ALK: variants seen among roughly 807,000 people sequenced by gnomAD.
The protein encoded by ALK is ALK receptor tyrosine kinase.
A neutral mutation model predicts 163.1 loss-of-function variants in ALK; 74 were observed. The observed-to-expected ratio is 0.45, with a 90% CI of 0.38 to 0.55. The LOEUF (loss-of-function observed/expected upper bound fraction) is 0.55. ALK is among the 20% of genes least tolerant of loss of function. The pLI is 0.00. For missense variants in ALK, 2,063 were observed against 2,105.3 expected (o/e 0.98, Z 0.39); for synonymous variants, 960 against 843.2 (o/e 1.14, Z -2.40).
chr2:29,528,408 G>A (rs996890177), intron 4 of ALK, among the ~76,000 whole-genome samples: 1 of 152,204 alleles, frequency 6.6e-6, no homozygotes, highest in Non-Finnish European at 1.5e-5. Flanking sequence ...ATGGCAGTGT[G>A]GTGCAGTGGG....
chr2:29,834,945 G>A (rs949745641), intron 1 of ALK, among the ~76,000 whole-genome samples: 1 of 152,230 alleles, frequency 6.6e-6, no homozygotes, highest in Non-Finnish European at 1.5e-5. Context: ...CACAAAGGCA[G>A]TGTAACTCAT....
At chr2:29,260,370 G>A (rs73920760) in intron 11 of ALK, among the ~76,000 whole-genome samples, 3,104 of 152,156 alleles carry the variant, frequency 0.02, 104 homozygotes, top group African/African-American at 0.071. Context: ...GTGTTATTCC[G>A]CCCTCTGTAT....
intron 13 of ALK, among the ~76,000 whole-genome samples, chr2:29,239,450 A>G (rs1384809952): frequency 1.3e-5 from 2 of 152,082 alleles, no homozygotes; most frequent in Non-Finnish European, 2.9e-5. Flanking sequence ...CAGGGTGCTG[A>G]GTTCCTGCTA....
chr2:29,802,229 G>A (rs1471190075), intron 1 of ALK, among the ~76,000 whole-genome samples: 2 of 150,812 alleles, frequency 1.3e-5, no homozygotes, highest in African/African-American at 4.9e-5. Context: ...AAAGCTTAGA[G>A]GTTGATTGCA....
intron 4 of ALK, among the ~76,000 whole-genome samples, chr2:29,435,607 T>G (rs1296974374): frequency 1.3e-5 from 2 of 150,178 alleles, no homozygotes; most frequent in African/African-American, 2.5e-5. Context: ...TTTTATGAAG[T>G]CAATTCAAGG....
At chr2:29,624,135 T>TTATAAACCACGGTCACTGCAGGGCAG (rs70958272) in intron 3 of ALK, among the ~76,000 whole-genome samples, 6 of 150,746 alleles carry the variant, frequency 4.0e-5, no homozygotes, top group African/African-American at 1.2e-4. Flanking sequence ...GACTATGTGT[T>TTATAAACCACGGTCACTGCAGGGCAG]GATGCCTTTC....
intron 5 of ALK, among the ~76,000 whole-genome samples, chr2:29,379,430 T>G (rs1668841060): frequency 6.6e-6 from 1 of 152,242 alleles, no homozygotes; most frequent in Admixed American, 6.5e-5. Flanking sequence ...TTTAGCACCA[T>G]GCTAGCTGCT....
rs1217115490 is a variant in ALK at position 29,831,284 on chromosome 2, G to T, written c.667+88709C>A. Reference sequence around the variant, plus strand: ...GGAAGAAGAAGAAGAAGAAGAAGAAGAAGAAGAAGAAGAAGAAGAAGAAGA... The same window carrying T: ...GGAAGAAGAAGAAGAAGAAGAAGAATAAGAAGAAGAAGAAGAAGAAGAAGA... On this transcript the variant is annotated intron_variant, in intron 1 of 28. Coordinates refer to ENST00000389048, the MANE Select transcript of ALK (RefSeq NM_004304.5). Among the ~76,000 whole-genome samples, 45 of 136,200 alleles carry T rather than the reference G, an allele frequency of 3.3e-4. 8 individuals carry two copies. Among genetic ancestry groups the T allele is most frequent in the African/African-American group, 9.9e-4 (37 of 37,300 alleles). The allele number at this position is 136,200 out of a possible 152,430, so 89.4% of individuals were successfully genotyped here.
intron 6 of ALK, among the ~76,000 whole-genome samples, chr2:29,324,196 T>C (rs1279211977): frequency 2.6e-5 from 4 of 152,232 alleles, no homozygotes; most frequent in African/African-American, 9.6e-5. Context: ...TGACACCTGA[T>C]TCCACTCTAA....
chr2:29,777,196 G>A (rs914176243), intron 1 of ALK, among the ~76,000 whole-genome samples: 2 of 152,168 alleles, frequency 1.3e-5, no homozygotes, highest in African/African-American at 4.8e-5. Context: ...ATTCATCCAG[G>A]AGAAAATCAG....
At chr2:29,212,859 C>CGA (rs1669500916) in intron 24 of ALK, among the ~76,000 whole-genome samples, 1 of 152,080 alleles carries the variant, frequency 6.6e-6, no homozygotes, top group African/African-American at 2.4e-5. Context: ...GCGTCCCCCA[C>CGA]CATGCCTGGC....
Position 29,293,964 on chromosome 2 carries a change from G to T in ALK, c.1817+2924C>A, listed in dbSNP as rs1337624101. Among the ~76,000 whole-genome samples the T allele has an allele frequency of 2.0e-5, 3 of 152,098 alleles. No individual in the cohort carries two copies. In the East Asian group the frequency reaches 5.8e-4, roughly 29 times the overall value. On this transcript the variant is annotated intron_variant, in intron 9 of 28. Coordinates refer to ENST00000389048, the MANE Select transcript of ALK (RefSeq NM_004304.5). Reference sequence around the variant, plus strand: ...GGAACCTGGGAGCAGAGGTGATTTGGGACAGCATAGGGAATAAAATTTCTG... The same window carrying T: ...GGAACCTGGGAGCAGAGGTGATTTGTGACAGCATAGGGAATAAAATTTCTG...
intron 13 of ALK, among the ~76,000 whole-genome samples, chr2:29,235,548 G>C (rs914164495): frequency 6.6e-6 from 1 of 152,090 alleles, no homozygotes. Context: ...GTCCTGGCCT[G>C]GGGGGAGACT....
intron 1 of ALK, among the ~76,000 whole-genome samples, chr2:29,863,550 C>T (rs1014008048): frequency 2.6e-5 from 4 of 151,992 alleles, no homozygotes; most frequent in South Asian, 2.1e-4. Context: ...GTCAGGGAAA[C>T]ACAAACTAAA....
rs375105843 is a variant in ALK, at chr2:29,251,241, C to A, written c.2068G>T (p.Ala690Ser). Reference sequence around the variant, plus strand: ...TGGGTGGGGCCATGGGGCCCGCTGGCCCCACATGTGGTGAACAGCCAATGA... The same window carrying A: ...TGGGTGGGGCCATGGGGCCCGCTGGACCCACATGTGGTGAACAGCCAATGA... ...TVHWLFTTCG[A>S]SGPHGPTQAQ... The change falls in exon 12 of 29, where the codon GCC (alanine) becomes TCC (serine). Residue 690 changes from alanine to serine, a missense_variant. Transcript: ENST00000389048. The A allele has an allele frequency of 1.2e-6, 2 of 1,613,792 alleles. No homozygotes were observed. Among genetic ancestry groups the A allele is most frequent in the African/African-American group, 2.7e-5 (2 of 74,942 alleles).
chr2:29,290,000 G>T (rs1346270263), intron 9 of ALK, among the ~76,000 whole-genome samples: 1 of 152,208 alleles, frequency 6.6e-6, no homozygotes. Context: ...GAGAGCTGGG[G>T]CTGTATTGCT....
chr2:29,877,554 C>T (rs1037281565), intron 1 of ALK, among the ~76,000 whole-genome samples: 1 of 152,208 alleles, frequency 6.6e-6, no homozygotes, highest in Non-Finnish European at 1.5e-5. Context: ...ATGCCTATCA[C>T]ATAGTAGGTA....
At chr2:29,893,128 T>C (rs909233197) in intron 1 of ALK, among the ~76,000 whole-genome samples, 1 of 152,170 alleles carries the variant, frequency 6.6e-6, no homozygotes, top group Admixed American at 6.5e-5. Flanking sequence ...CTTTAGGGAT[T>C]CTTCTCAGGC....
chr2:29,586,639 C>G (rs10167952), intron 3 of ALK, among the ~76,000 whole-genome samples: 14,430 of 152,178 alleles, frequency 0.095, 783 homozygotes, highest in African/African-American at 0.14. Flanking sequence ...AATAGGAACA[C>G]TTTCAACACT....
Sources: gnomAD v4.1 joint callset for allele counts (sites outside exome capture counted in the v4.1 genomes callset) on GRCh38, gnomAD v4.1.1 for gene constraint, MANE v1.5 for transcripts, NCBI Gene and HGNC (gene_info 2026-07-23, HGNC 2026-07-21) for gene names.